Variants in CRYL1 observed in about 807,000 individuals in gnomAD.
CRYL1 encodes the protein lambda-crystallin homolog.
CRYL1 carries 29 observed loss-of-function variants against 36.6 expected under a neutral mutation model. That is an observed-to-expected ratio of 0.79 (90% CI 0.59 to 1.08). CRYL1 has a LOEUF of 1.08. Among genes scored for constraint, CRYL1 ranks in the 50% least tolerant of loss-of-function variants. The probability of loss-of-function intolerance (pLI) is 0.00; values close to 1 mark genes in which losing one functional copy is unlikely to be tolerated. For synonymous variants in CRYL1, 152 were observed against 151.5 expected (o/e 1.00, Z -0.02); for missense variants, 411 against 407.9 (o/e 1.01, Z -0.06).
intron 3 of CRYL1, among the ~76,000 whole-genome samples, chr13:20,445,218 G>C (rs1188977887): frequency 6.6e-6 from 1 of 152,118 alleles, no homozygotes; most frequent in Non-Finnish European, 1.5e-5. Flanking sequence ...AGAGATATAA[G>C]GCTTACACTT....
intron 3 of CRYL1, among the ~76,000 whole-genome samples, chr13:20,476,455 C>T (rs181090234): frequency 1.6e-4 from 25 of 152,234 alleles, no homozygotes; most frequent in African/African-American, 5.8e-4. Context: ...GAAAGGCCGC[C>T]CCTTGAAAGA....
intron 5 of CRYL1, among the ~76,000 whole-genome samples, chr13:20,429,761 C>T (rs2032014371): frequency 6.6e-6 from 1 of 152,160 alleles, no homozygotes; most frequent in African/African-American, 2.4e-5. Context: ...GACCAGTGTG[C>T]CAGTGCTCCA....
intron 2 of CRYL1, among the ~76,000 whole-genome samples, chr13:20,507,711 G>T (rs955588409): frequency 6.6e-6 from 1 of 152,236 alleles, no homozygotes; most frequent in East Asian, 1.9e-4. Flanking sequence ...AAGGTCAGGA[G>T]ATCGAGACCA....
intron 3 of CRYL1, among the ~76,000 whole-genome samples, chr13:20,476,294 G>A (rs544781863): frequency 1.3e-5 from 2 of 150,986 alleles, no homozygotes; most frequent in South Asian, 4.2e-4. Flanking sequence ...GGCAGAGGCT[G>A]CAGTGAGCCA....
intron 1 of CRYL1, among the ~76,000 whole-genome samples, chr13:20,515,998 C>G (rs2033991079): frequency 6.6e-6 from 1 of 152,006 alleles, no homozygotes; most frequent in South Asian, 2.1e-4. Flanking sequence ...TCAAGACCAG[C>G]CTGGCCAACA....
intron 6 of CRYL1, among the ~76,000 whole-genome samples, chr13:20,410,353 A>G: frequency 7.1e-6 from 1 of 140,668 alleles, no homozygotes; most frequent in South Asian, 2.4e-4. Flanking sequence ...TGAACACAGG[A>G]AGGGGAACAT....
chr13:20,417,256 T>C (rs1202363550), intron 5 of CRYL1, among the ~76,000 whole-genome samples: 1 of 152,228 alleles, frequency 6.6e-6, no homozygotes, highest in Non-Finnish European at 1.5e-5. Context: ...ACCCAAAGCC[T>C]TGTGACATCT....
chr13:20,448,112 A>G (rs1229679168), intron 3 of CRYL1, among the ~76,000 whole-genome samples: 1 of 152,242 alleles, frequency 6.6e-6, no homozygotes, highest in Non-Finnish European at 1.5e-5. Context: ...TCAGCAGAGA[A>G]TCAAAGAGAA....
intron 4 of CRYL1, among the ~76,000 whole-genome samples, chr13:20,433,557 C>T (rs1056909550): frequency 6.6e-5 from 10 of 152,174 alleles, no homozygotes; most frequent in South Asian, 2.1e-4. Context: ...CAAGAAAAGA[C>T]GGCTCCTGTT....
intron 3 of CRYL1, among the ~76,000 whole-genome samples, chr13:20,440,910 C>T (rs2032336811): frequency 6.6e-6 from 1 of 152,178 alleles, no homozygotes; most frequent in Admixed American, 6.5e-5. Context: ...GAGATGACAC[C>T]TTCAAACATC....
intron 2 of CRYL1, among the ~76,000 whole-genome samples, chr13:20,500,694 C>A (rs2033686409): frequency 6.6e-6 from 1 of 152,190 alleles, no homozygotes; most frequent in Non-Finnish European, 1.5e-5. Flanking sequence ...GTCATGAGGT[C>A]TTCCATGGTA....
At chr13:20,419,575 A>G (rs1359031923) in intron 5 of CRYL1, among the ~76,000 whole-genome samples, 1 of 152,062 alleles carries the variant, frequency 6.6e-6, no homozygotes, top group African/African-American at 2.4e-5. Flanking sequence ...TACAGGTGTG[A>G]GCCACCACAT....
intron 3 of CRYL1, among the ~76,000 whole-genome samples, chr13:20,464,898 C>T (rs1593463003): frequency 6.6e-6 from 1 of 152,344 alleles, no homozygotes; most frequent in East Asian, 1.9e-4. Context: ...ATGCTACACA[C>T]AGCCGCCTTC....
intron 5 of CRYL1, among the ~76,000 whole-genome samples, chr13:20,416,279 G>A (rs1181180685): frequency 6.6e-6 from 1 of 152,238 alleles, no homozygotes; most frequent in Non-Finnish European, 1.5e-5. Flanking sequence ...GCTGAGGAGG[G>A]TCGCCTCCTT....
Position 20,404,236 on chromosome 13 carries a change from A to C in CRYL1, c.853T>G (p.Cys285Gly). The part of the protein sequence containing the change: ...ATAEKVNQDM[C>G]MKVPDDPEHL... ...TCCGGGTCATCAGGGACCTTCATGC[A>C]CATGTCCTGCAAGAAGGAGAAGGAA... The change falls in exon 8 of 8, where the codon TGC (cysteine) becomes GGC (glycine). Residue 285 changes from cysteine (C) to glycine (G), a missense_variant. By Grantham distance (159) the Cys-to-Gly change is radical. Coordinates refer to ENST00000298248, the MANE Select transcript of CRYL1 (RefSeq NM_015974.3). 1 of 1,606,548 alleles carries C rather than the reference A, an allele frequency of 6.2e-7. No homozygotes were observed.
At chr13:20,432,395 G>A (rs2032089341) in intron 4 of CRYL1, 99 bp from the exon 5 acceptor site, 7 of 746,910 alleles carry the variant, frequency 9.4e-6, no homozygotes, top group East Asian at 2.7e-5. Context: ...TGCATCTTTG[G>A]AATGGTGCCT....
intron 1 of CRYL1, among the ~76,000 whole-genome samples, chr13:20,514,616 G>C (rs2033968852): frequency 6.6e-6 from 1 of 152,124 alleles, no homozygotes; most frequent in African/African-American, 2.4e-5. Context: ...AAATGTGAAT[G>C]TTGTTAAATA....
intron 3 of CRYL1, among the ~76,000 whole-genome samples, chr13:20,476,587 G>A (rs557904035): frequency 5.9e-5 from 9 of 152,322 alleles, no homozygotes; most frequent in East Asian, 1.9e-4. Flanking sequence ...TGCTCCCAGC[G>A]TGCTGATACC....
intron 3 of CRYL1, among the ~76,000 whole-genome samples, chr13:20,464,369 G>GAT (rs2032891019): frequency 1.3e-5 from 2 of 152,270 alleles, no homozygotes; most frequent in Admixed American, 1.3e-4. Flanking sequence ...ACTTTAGCCT[G>GAT]GGTAATAGAG....
Sources: allele counts gnomAD v4.1 joint callset (sites outside exome capture counted in the v4.1 genomes callset), GRCh38; gene constraint gnomAD v4.1.1; transcripts MANE v1.5; gene names NCBI Gene and HGNC (gene_info 2026-07-23, HGNC 2026-07-21).